FBN1: variants seen among roughly 807,000 people sequenced by gnomAD.
FBN1 encodes fibrillin-1.
Under a neutral mutation model 365.1 loss-of-function variants are expected in FBN1, and 29 were observed. That is an observed-to-expected ratio of 0.08 (90% CI 0.06 to 0.11). The LOEUF is 0.11. Ranked by LOEUF, FBN1 falls within the 10% of genes least tolerant of loss-of-function variation. The pLI is 1.00. For synonymous variants in FBN1, 1,210 were observed against 1,270.5 expected, an observed-to-expected ratio of 0.95 and a Z score of 1.01; for missense variants, 2,476 against 3,703.2, an observed-to-expected ratio of 0.67 and a Z score of 8.60.
At chr15:48,620,477 A>G (rs981132609) in intron 2 of FBN1, among the ~76,000 whole-genome samples, 1 of 152,194 alleles carries the variant, frequency 6.6e-6, no homozygotes, top group Non-Finnish European at 1.5e-5. Context: ...TGGGCCATAG[A>G]GATTAATCCA....
intron 46 of FBN1, among the ~76,000 whole-genome samples, chr15:48,447,664 A>ACG (rs2043170075): frequency 2.0e-5 from 3 of 148,520 alleles, no homozygotes; most frequent in African/African-American, 5.1e-5. Context: ...CAAGGATGAA[A>ACG]TGAGAGAGAG....
At chr15:48,531,546 G>A (rs897929104) in intron 8 of FBN1, among the ~76,000 whole-genome samples, 1 of 152,066 alleles carries the variant, frequency 6.6e-6, no homozygotes, top group East Asian at 1.9e-4. Context: ...TTTCACAAGG[G>A]CACAGAACCC....
At chr15:48,590,296 G>C (rs1184675085) in intron 6 of FBN1, among the ~76,000 whole-genome samples, 1 of 152,176 alleles carries the variant, frequency 6.6e-6, no homozygotes, top group Non-Finnish European at 1.5e-5. Flanking sequence ...AACAGGTCTT[G>C]AGATAAGGTA....
intron 2 of FBN1, among the ~76,000 whole-genome samples, chr15:48,620,750 T>C (rs1184509702): frequency 6.6e-6 from 1 of 152,228 alleles, no homozygotes. Flanking sequence ...GAGCCTATTA[T>C]GTGCTAGGCA....
intron 43 of FBN1, 81 bp from the exon 44 acceptor site, chr15:48,456,843 C>CGCGTGT (rs1555396453): frequency 4.0e-6 from 3 of 744,622 alleles, no homozygotes; most frequent in Non-Finnish European, 6.8e-6. Context: ...AAAGTGCGTG[C>CGCGTGT]GTGTGTGTGT....
intron 45 of FBN1, among the ~76,000 whole-genome samples, chr15:48,449,197 G>A (rs1431286631): frequency 2.6e-5 from 4 of 152,066 alleles, no homozygotes; most frequent in Admixed American, 6.6e-5. Flanking sequence ...TTTGATTATC[G>A]GCCTACGCAG....
In FBN1 at chr15:48,410,067, A is replaced by C. The variant is rs2042848222; in HGVS notation, c.*923T>G. On this transcript the variant is annotated 3_prime_UTR_variant, in exon 66 of 66. Coordinates refer to ENST00000316623, the MANE Select transcript of FBN1 (RefSeq NM_000138.5). ...CAAATCCATGCAAGAACACAAAGCC[A>C]AGGGGTAAACTAAAAAAAAGAAGAG... is the stretch of plus-strand genomic sequence containing the variant. The C allele has an allele frequency of 6.6e-6, 1 of 152,624 alleles. No homozygotes were observed. Among genetic ancestry groups the C allele is most frequent in the South Asian group, 2.1e-4 (1 of 4,826 alleles). The allele number at this position is 152,624 out of a possible 1,614,324, so 9.5% of individuals were successfully genotyped here.
intron 2 of FBN1, among the ~76,000 whole-genome samples, chr15:48,637,947 T>TA (rs1375743545): frequency 6.6e-6 from 1 of 152,120 alleles, no homozygotes; most frequent in Non-Finnish European, 1.5e-5. Context: ...CCATACATAA[T>TA]AAGTAAATAA....
chr15:48,501,946 A>G (rs1332542466), intron 17 of FBN1, among the ~76,000 whole-genome samples: 1 of 152,244 alleles, frequency 6.6e-6, no homozygotes, highest in Non-Finnish European at 1.5e-5. Flanking sequence ...GTGATCATAC[A>G]TAAAATGATA....
intron 24 of FBN1, among the ~76,000 whole-genome samples, chr15:48,491,985 A>G (rs1364219110): frequency 1.3e-5 from 2 of 152,130 alleles, no homozygotes; most frequent in African/African-American, 4.8e-5. Flanking sequence ...ATATCCCACT[A>G]TGACTAGCAG....
At chr15:48,539,953 A>G (rs563869883) in intron 6 of FBN1, among the ~76,000 whole-genome samples, 25 of 152,350 alleles carry the variant, frequency 1.6e-4, no homozygotes, top group Non-Finnish European at 2.6e-4. Flanking sequence ...ACAAAAATAT[A>G]AACAAGTATT....
intron 32 of FBN1, among the ~76,000 whole-genome samples, chr15:48,476,147 G>A (rs1316438310): frequency 6.6e-6 from 1 of 152,216 alleles, no homozygotes. Flanking sequence ...AGTAGGCACA[G>A]GAATTCAAGA....
chr15:48,597,910 G>A (rs1312128511), intron 5 of FBN1, among the ~76,000 whole-genome samples: 3 of 152,236 alleles, frequency 2.0e-5, no homozygotes, highest in African/African-American at 7.2e-5. Flanking sequence ...AAGCACTTGT[G>A]TGTTGGGCAT....
chr15:48,468,154 G>C (rs771065498), intron 37 of FBN1, 52 bp from the exon 38 acceptor site: 1 of 1,597,660 alleles, frequency 6.3e-7, no homozygotes, highest in Non-Finnish European at 8.6e-7. Context: ...TTCTACTGGG[G>C]TTGAAAATTC....
At chr15:48,610,518 C>T (rs1027057072) in intron 4 of FBN1, among the ~76,000 whole-genome samples, 2 of 152,008 alleles carry the variant, frequency 1.3e-5, no homozygotes, top group Non-Finnish European at 2.9e-5. Flanking sequence ...TAACTATGCC[C>T]CATAGGTAAT....
In FBN1 at chr15:48,428,432, T is replaced by C. The variant is rs375939213; in HGVS notation, c.6911A>G (p.Asn2304Ser). Residue 2304 changes from asparagine (N) to serine (S), a missense_variant, in exon 57 of 66, where the codon AAT becomes AGT. Transcript: ENST00000316623. ...CCCACGGGTGTTGAGGCAGCGCCCATTCTCACAGATCCCTGGCTTCGTCTG... is the reference window on the plus strand; with the variant it reads ...CCCACGGGTGTTGAGGCAGCGCCCACTCTCACAGATCCCTGGCTTCGTCTG... The part of the protein sequence containing the change: ...ECQTKPGICE[N>S]GRCLNTRGSY... 63 of 1,613,948 alleles carry C rather than the reference T, an allele frequency of 3.9e-5. No homozygotes were observed. The highest frequency in any genetic ancestry group is 5.3e-5 in the Non-Finnish European group (63 of 1,179,978).
At chr15:48,564,470 C>CA (rs1483155366) in intron 6 of FBN1, among the ~76,000 whole-genome samples, 1 of 151,208 alleles carries the variant, frequency 6.6e-6, no homozygotes, top group African/African-American at 2.4e-5. Context: ...TTTCTGGACT[C>CA]AATGTCTCTG....
chr15:48,488,351 A>C lies in FBN1; in HGVS notation c.3208+17T>G. 6.2e-7 allele frequency: 1 copy of C among 1,614,252 alleles called. No homozygotes were observed. Among genetic ancestry groups the C allele is most frequent in the African/African-American group, 1.3e-5 (1 of 75,070 alleles). On this transcript the variant is annotated intron_variant, in intron 26 of 65. Transcript: ENST00000316623. ...AAGGACGTCCCCTCTCCTGGCCCTT[A>C]AGGCTCATTAACTGACCTGTGCAGT... is the stretch of plus-strand genomic sequence containing the variant.
intron 3 of FBN1, among the ~76,000 whole-genome samples, chr15:48,612,793 C>T (rs1262030302): frequency 6.6e-6 from 1 of 152,184 alleles, no homozygotes; most frequent in East Asian, 1.9e-4. Flanking sequence ...GTAAATGACA[C>T]AACCTCAAGC....
Sources: allele counts gnomAD v4.1 joint callset (sites outside exome capture counted in the v4.1 genomes callset), GRCh38; gene constraint gnomAD v4.1.1; transcripts MANE v1.5; gene names NCBI Gene and HGNC (gene_info 2026-07-23, HGNC 2026-07-21).